ZNF705G: variants seen among roughly 807,000 people sequenced by gnomAD.
ZNF705G encodes zinc finger protein 705G.
ZNF705G carries 23 observed loss-of-function variants against 19.6 expected under a neutral mutation model. The ratio of observed to expected loss-of-function variants is 1.17; its 90% CI spans 0.84 to 1.66. The LOEUF (loss-of-function observed/expected upper bound fraction) is 1.66. Ranked by LOEUF, ZNF705G falls within the 40% of genes most tolerant of loss-of-function variation. The pLI, the probability that ZNF705G is intolerant of heterozygous loss-of-function variation, is 0.00. For missense variants in ZNF705G, 457 were observed against 354.4 expected (o/e 1.29, Z -2.32); for synonymous variants, 146 against 117.7 (o/e 1.24, Z -1.56).
intron 3 of ZNF705G, among the ~76,000 whole-genome samples, chr8:7,362,552 T>A (rs943415176): frequency 6.7e-6 from 1 of 149,632 alleles, no homozygotes; most frequent in Non-Finnish European, 1.5e-5. Flanking sequence ...ACAGTATAGT[T>A]AATGGGTCAA....
At position 7,384,033 on chromosome 8, in the gene ZNF705G, G is replaced by A. The variant is rs376225048; in HGVS notation, c.-222+1465C>T. Among the ~76,000 whole-genome samples, 249 of 136,724 alleles carry A rather than the reference G, an allele frequency of 1.8e-3. 3 individuals are homozygous for A. Among genetic ancestry groups the A allele is most frequent in the South Asian group, 0.016 (67 of 4,102 alleles). 89.7% of individuals were successfully genotyped at this position (136,724 alleles called of 152,430 possible). A position where few individuals can be genotyped will look rare whatever the true frequency, so the allele number is the denominator to read the frequency against. The stretch of plus-strand genomic sequence containing the variant: ...TCAGTATGTGTTGAGAAGCCAAAAG[G>A]TAGATTGTTGATGAGATGTAGACAT... On this transcript the variant is annotated intron_variant, in intron 1 of 6. Coordinates refer to ENST00000400156, the MANE Select transcript of ZNF705G (RefSeq NM_001164457.3).
chr8:7,360,651 G>A lies in ZNF705G; in HGVS notation c.140-319C>T, dbSNP rs549740890. 1.1e-3 allele frequency among the ~76,000 whole-genome samples: 167 copies of A among 149,484 alleles called. 19 individuals are homozygous for A. Among genetic ancestry groups the A allele is most frequent in the African/African-American group, 4.1e-3 (160 of 38,954 alleles). On this transcript the variant is annotated intron_variant, in intron 4 of 6. Transcript: ENST00000400156. ...GAGAGTAATTATATCTCTGCACAGTGTGTTTACTATTATTCTCACGCACAA... is the reference window on the plus strand; with the variant it reads ...GAGAGTAATTATATCTCTGCACAGTATGTTTACTATTATTCTCACGCACAA...
intron 6 of ZNF705G, among the ~76,000 whole-genome samples, chr8:7,359,197 C>T (rs1806447275): frequency 1.3e-5 from 2 of 149,584 alleles, no homozygotes; most frequent in African/African-American, 5.1e-5. Flanking sequence ...GAAAGGCATA[C>T]ACCTGTCCCC....
intron 3 of ZNF705G, 79 bp downstream of exon 3, chr8:7,362,856 C>G (rs1179986004): frequency 6.3e-7 from 1 of 1,583,172 alleles, no homozygotes; most frequent in African/African-American, 1.4e-5. Context: ...AAATGAAACA[C>G]CCATGCAAAT....
chr8:7,371,037 G>A (rs1235713596), intron 2 of ZNF705G, among the ~76,000 whole-genome samples: 3 of 135,100 alleles, frequency 2.2e-5, no homozygotes, highest in Non-Finnish European at 4.7e-5. Context: ...TATTAGGAGG[G>A]GAACAACACA....
chr8:7,362,820 A>AAAAC (rs1256964645), intron 3 of ZNF705G, 115 bp downstream of exon 3: 2 of 1,585,930 alleles, frequency 1.3e-6, no homozygotes, highest in Admixed American at 1.7e-5. Flanking sequence ...TTACATCATA[A>AAAAC]AAACAAACAA....
rs974306164 is a variant in ZNF705G, at chr8:7,369,366, G to T, written c.-71-6349C>A. 9.4e-5 allele frequency among the ~76,000 whole-genome samples: 14 copies of T among 149,414 alleles called. 1 individual carries two copies. The highest frequency in any genetic ancestry group is 1.6e-4 in the Non-Finnish European group (11 of 68,026). ...AATGTCTACTACAGCAGTGCAGAGG[G>T]AAAATGTGGCGTTGGAACCCCCACA... On this transcript the variant is annotated intron_variant, in intron 2 of 6. Transcript: ENST00000400156.
At chr8:7,371,307 C>T (rs1242307849) in intron 2 of ZNF705G, among the ~76,000 whole-genome samples, 5 of 135,190 alleles carry the variant, frequency 3.7e-5, no homozygotes, top group Admixed American at 1.5e-4. Flanking sequence ...TGCCAGGGGC[C>T]GTGGTGCTGG....
chr8:7,357,919 G>A lies in ZNF705G; in HGVS notation c.*57C>T. The A allele has an allele frequency of 6.2e-7, 1 of 1,602,980 alleles. No homozygotes were observed. The highest frequency in any genetic ancestry group is 1.1e-5 in the South Asian group (1 of 89,500). ...CTTTAAGATTAGTACATTGTCTGAA[G>A]GCTTTCCCACATAAATGGCATTCAT... On this transcript the variant is annotated 3_prime_UTR_variant, in exon 7 of 7. Transcript: ENST00000400156.
rs573922442 is a variant in ZNF705G, at chr8:7,364,699, T to C, written c.-71-1682A>G. 6.0e-5 allele frequency among the ~76,000 whole-genome samples: 9 copies of C among 149,628 alleles called. 1 individual carries two copies. Among genetic ancestry groups the C allele is most frequent in the Admixed American group, 2.0e-4 (3 of 15,234 alleles). On this transcript the variant is annotated intron_variant, in intron 2 of 6. Transcript: ENST00000400156. Reference sequence around the variant, plus strand: ...TTTTTACTGCCACATTTAATGCACATTTACAGACTTCAACAAGCACTTTTC... The same window carrying C: ...TTTTTACTGCCACATTTAATGCACACTTACAGACTTCAACAAGCACTTTTC...
At chr8:7,360,514 C>T (rs1452218096) in intron 4 of ZNF705G, among the ~76,000 whole-genome samples, 182 bp from the exon 5 acceptor site, 1 of 149,268 alleles carries the variant, frequency 6.7e-6, no homozygotes, top group Non-Finnish European at 1.5e-5. Context: ...CAAAATAAAT[C>T]CAAACCAAAG....
chr8:7,370,918 A>G (rs1470755639), intron 2 of ZNF705G, among the ~76,000 whole-genome samples: 3 of 122,850 alleles, frequency 2.4e-5, no homozygotes, highest in Admixed American at 8.7e-5. Flanking sequence ...TTGCAGGAAC[A>G]TGAATGGAGC....
chr8:7,358,373 C>A lies in ZNF705G; in HGVS notation c.506G>T (p.Gly169Val). The A allele has an allele frequency of 2.5e-6, 4 of 1,607,546 alleles. 1 individual carries two copies. Among genetic ancestry groups the A allele is most frequent in the Non-Finnish European group, 3.4e-6 (4 of 1,179,600 alleles). The change falls in exon 7 of 7, where the codon GGT becomes GTT. Residue 169 changes from glycine to valine, a missense_variant. Physicochemically the swap from Gly to Val is moderately radical, Grantham distance 109 (BLOSUM62 -3). Coordinates refer to ENST00000400156, the MANE Select transcript of ZNF705G (RefSeq NM_001164457.3). The part of the protein sequence containing the change: ...TEPHKQIHTK[G>V]KSYQCNLCEK... ...ACATAGATTACACTGATATGATTTA[C>A]CTTTAGTATGAATTTGTTTATGTGG... is the stretch of plus-strand genomic sequence containing the variant.
chr8:7,362,212 G>C (rs1481595236), intron 3 of ZNF705G, among the ~76,000 whole-genome samples: 1 of 149,374 alleles, frequency 6.7e-6, no homozygotes, highest in Non-Finnish European at 1.5e-5. Flanking sequence ...TCTTCTGAGT[G>C]TGCAACCATA....
At chr8:7,367,670 G>T (rs536449300) in intron 2 of ZNF705G, among the ~76,000 whole-genome samples, 1 of 149,538 alleles carries the variant, frequency 6.7e-6, no homozygotes, top group African/African-American at 2.6e-5. Context: ...GGACCTTCAG[G>T]CATCTGCTCG....
chr8:7,368,767 C>T (rs1040713310), intron 2 of ZNF705G, among the ~76,000 whole-genome samples: 3 of 149,660 alleles, frequency 2.0e-5, no homozygotes, highest in Admixed American at 1.3e-4. Flanking sequence ...AAGCACAGGA[C>T]AGTGCTCACA....
chr8:7,358,244 C>T lies in ZNF705G; in HGVS notation c.635G>A (p.Cys212Tyr). 2 of 1,607,654 alleles carry T rather than the reference C, an allele frequency of 1.2e-6. No homozygotes were observed. The highest frequency in any genetic ancestry group is 2.2e-5 in the South Asian group (2 of 90,718). ...TTTCTCGTGTCTTCTAAGGTGAGAACACTGAGTGAAGGCTTTTCTACATAG... is the reference window on the plus strand; with the variant it reads ...TTTCTCGTGTCTTCTAAGGTGAGAATACTGAGTGAAGGCTTTTCTACATAG... ...CHLCRKAFTQ[C>Y]SHLRRHEKTH... The change falls in exon 7 of 7, where the codon TGT becomes TAT. Residue 212 changes from cysteine to tyrosine, a missense_variant. Coordinates refer to ENST00000400156, the MANE Select transcript of ZNF705G (RefSeq NM_001164457.3).
rs1215802434 is a variant in ZNF705G, at chr8:7,359,505, A to G, written c.318+114T>C. On this transcript the variant is annotated intron_variant, in intron 6 of 6. Coordinates refer to ENST00000400156, the MANE Select transcript of ZNF705G (RefSeq NM_001164457.3). ...AGTATCCAATTTTTTTTTTTTGCTTAGAAAACACTTAATGCCAGCTTAATT... is the reference window on the plus strand; with the variant it reads ...AGTATCCAATTTTTTTTTTTTGCTTGGAAAACACTTAATGCCAGCTTAATT... 288 of 1,528,610 alleles carry G rather than the reference A, an allele frequency of 1.9e-4. 2 individuals are homozygous for G. The highest frequency in any genetic ancestry group is 2.4e-4 in the Non-Finnish European group (272 of 1,141,406). 94.7% of individuals were successfully genotyped at this position (1,528,610 alleles called of 1,614,324 possible). A position where few individuals can be genotyped will look rare whatever the true frequency, so the allele number is the denominator to read the frequency against.
At chr8:7,383,004 C>T (rs1194341750) in intron 1 of ZNF705G, among the ~76,000 whole-genome samples, 1 of 148,192 alleles carries the variant, frequency 6.7e-6, no homozygotes, top group Non-Finnish European at 1.5e-5. Context: ...CATACCCTAG[C>T]TCCCACTTAT....
Sources: gnomAD v4.1 joint callset for allele counts (sites outside exome capture counted in the v4.1 genomes callset) on GRCh38, gnomAD v4.1.1 for gene constraint, MANE v1.5 for transcripts, NCBI Gene and HGNC (gene_info 2026-07-23, HGNC 2026-07-21) for gene names.